Variants in BMP2K observed in about 807,000 individuals in gnomAD.
The protein encoded by BMP2K is BMP-2-inducible protein kinase.
BMP2K carries 74 observed loss-of-function variants against 116.0 expected under a neutral mutation model. That is an observed-to-expected ratio of 0.64 (90% CI 0.53 to 0.77). BMP2K has a LOEUF of 0.77. BMP2K is among the 30% of genes least tolerant of loss of function. The probability of loss-of-function intolerance (pLI) is 0.00; values close to 1 mark genes in which losing one functional copy is unlikely to be tolerated. For synonymous variants in BMP2K, 486 were observed against 502.5 expected (o/e 0.97, Z 0.44); for missense variants, 1,365 against 1,403.6 (o/e 0.97, Z 0.44).
intron 15 of BMP2K, among the ~76,000 whole-genome samples, chr4:78,905,826 A>G (rs991308114): frequency 6.6e-6 from 1 of 151,874 alleles, no homozygotes; most frequent in Non-Finnish European, 1.5e-5. Context: ...TTTTTTTTAA[A>G]TTATAGGAAT....
intron 1 of BMP2K, among the ~76,000 whole-genome samples, chr4:78,801,006 G>A (rs1728542345): frequency 6.6e-6 from 1 of 152,022 alleles, no homozygotes; most frequent in South Asian, 2.1e-4. Flanking sequence ...TTTTAAGATG[G>A]AGGTAGCTTA....
intron 10 of BMP2K, 138 bp downstream of exon 10, chr4:78,865,858 C>A: frequency 1.2e-6 from 1 of 813,138 alleles, no homozygotes; most frequent in Non-Finnish European, 1.9e-6. Context: ...CTATTGATGT[C>A]TAATAAATTC....
At chr4:78,896,144 C>T (rs562541333) in intron 15 of BMP2K, among the ~76,000 whole-genome samples, 3 of 151,460 alleles carry the variant, frequency 2.0e-5, no homozygotes, top group African/African-American at 7.3e-5. Flanking sequence ...AACTTTTTTG[C>T]AGCCAAGATT....
chr4:78,801,695 G>A (rs1162910379), intron 1 of BMP2K, among the ~76,000 whole-genome samples: 1 of 151,968 alleles, frequency 6.6e-6, no homozygotes, highest in African/African-American at 2.4e-5. Flanking sequence ...TACTTTTTCT[G>A]TTGTTTTAGT....
At chr4:78,842,218 ATG>A (rs372019589) in intron 3 of BMP2K, among the ~76,000 whole-genome samples, 165 bp from the exon 4 acceptor site, 11 of 152,212 alleles carry the variant, frequency 7.2e-5, no homozygotes, top group Non-Finnish European at 8.8e-5. Context: ...ATGTGAAAAA[ATG>A]TGTGTCATTG....
intron 1 of BMP2K, among the ~76,000 whole-genome samples, chr4:78,780,662 C>T (rs1338272030): frequency 6.6e-6 from 1 of 152,172 alleles, no homozygotes; most frequent in Admixed American, 6.5e-5. Flanking sequence ...ATATCAACAA[C>T]TGTTACTACT....
At chr4:78,846,674 C>T (rs1731015263) in intron 5 of BMP2K, among the ~76,000 whole-genome samples, 1 of 151,394 alleles carries the variant, frequency 6.6e-6, no homozygotes, top group Admixed American at 6.6e-5. Flanking sequence ...TAGATTGTAG[C>T]AAACAGATTA....
intron 5 of BMP2K, 143 bp from the exon 6 acceptor site, chr4:78,847,045 T>G (rs1731036712): frequency 2.8e-6 from 1 of 352,724 alleles, no homozygotes; most frequent in Non-Finnish European, 5.1e-6. Context: ...TTTAATGAGT[T>G]TTTAAAAATA....
chr4:78,799,605 A>C (rs1728469169), intron 1 of BMP2K, among the ~76,000 whole-genome samples: 3 of 152,196 alleles, frequency 2.0e-5, no homozygotes, highest in Admixed American at 6.5e-5. Context: ...TTTACATCCA[A>C]GTTTTATCTT....
intron 1 of BMP2K, among the ~76,000 whole-genome samples, chr4:78,804,750 A>C (rs1728738119): frequency 7.5e-6 from 1 of 132,848 alleles, no homozygotes; most frequent in African/African-American, 2.8e-5. Flanking sequence ...ACAAATTTCT[A>C]TTCTGCTTTT....
chr4:78,802,717 A>G (rs554395839), intron 1 of BMP2K, among the ~76,000 whole-genome samples: 1 of 152,144 alleles, frequency 6.6e-6, no homozygotes, highest in Non-Finnish European at 1.5e-5. Context: ...GATGTCATTT[A>G]TCAACTTTTT....
intron 1 of BMP2K, among the ~76,000 whole-genome samples, chr4:78,778,230 C>T (rs1158265434): frequency 6.6e-6 from 1 of 152,116 alleles, no homozygotes; most frequent in African/African-American, 2.4e-5. Context: ...AAAATACTGA[C>T]ATTTCACAAA....
intron 1 of BMP2K, among the ~76,000 whole-genome samples, chr4:78,805,494 C>G (rs927737274): frequency 2.6e-4 from 39 of 152,094 alleles, no homozygotes; most frequent in Non-Finnish European, 1.3e-4. Flanking sequence ...GTCTTTCAGT[C>G]TATGAGTGAG....
At chr4:78,875,129 C>G (rs1732572095) in intron 13 of BMP2K, among the ~76,000 whole-genome samples, 1 of 152,186 alleles carries the variant, frequency 6.6e-6, no homozygotes, top group African/African-American at 2.4e-5. Context: ...TACGTCAATG[C>G]TACTTCATTA....
At chr4:78,869,978 C>G (rs1323716284) in intron 10 of BMP2K, among the ~76,000 whole-genome samples, 1 of 152,146 alleles carries the variant, frequency 6.6e-6, no homozygotes, top group African/African-American at 2.4e-5. Context: ...TCTCCCCACT[C>G]TTTTTATCTT....
intron 2 of BMP2K, among the ~76,000 whole-genome samples, chr4:78,828,638 C>CT (rs1226475995): frequency 1.3e-5 from 2 of 152,198 alleles, no homozygotes; most frequent in Non-Finnish European, 1.5e-5. Flanking sequence ...AAGACTGTGA[C>CT]TAGGGCTTTG....
At chr4:78,842,253 A>G (rs1730794751) in intron 3 of BMP2K, 132 bp from the exon 4 acceptor site, 8 of 651,984 alleles carry the variant, frequency 1.2e-5, no homozygotes, top group Non-Finnish European at 2.0e-5. Context: ...ATGATGTAAT[A>G]AGCATCCTTA....
Position 78,871,889 on chromosome 4 carries a change from C to T in BMP2K, c.1549C>T (p.Gln517Ter). 6.2e-7 allele frequency: 1 copy of T among 1,613,008 alleles called. No individual in the cohort carries two copies. The change falls in exon 12 of 16, where the codon CAA becomes TAA. Residue 517 changes from glutamine to a stop codon, truncating the protein, a stop_gained. Transcript: ENST00000502613. LOFTEE classifies it high-confidence loss of function. ...ATQQQQMLQQ[Q>*]FLMHSVYQPQ... ...ACAGCAGCAACAGATGCTTCAACAA[C>T]AATTTTTAATGCATTCGGTATATCA...
intron 4 of BMP2K, 93 bp from the exon 5 acceptor site, chr4:78,844,835 T>C: frequency 3.5e-6 from 4 of 1,129,258 alleles, no homozygotes; most frequent in Non-Finnish European, 5.2e-6. Context: ...AAAAATAAGC[T>C]TCGTATGTAC....
Sources: allele counts gnomAD v4.1 joint callset (sites outside exome capture counted in the v4.1 genomes callset), GRCh38; gene constraint gnomAD v4.1.1; transcripts MANE v1.5; gene names NCBI Gene and HGNC (gene_info 2026-07-23, HGNC 2026-07-21).